ATP5PF: variants seen among roughly 807,000 people sequenced by gnomAD.
ATP5PF encodes the protein ATP synthase peripheral stalk subunit F6.
ATP5PF carries 7 observed loss-of-function variants against 12.0 expected under a neutral mutation model. The observed-to-expected ratio is 0.58, with a 90% CI of 0.33 to 1.10. ATP5PF has a LOEUF of 1.10. Among genes scored for constraint, ATP5PF ranks in the 50% least tolerant of loss-of-function variants. The pLI is 0.03. For missense variants in ATP5PF, 120 were observed against 127.7 expected (o/e 0.94, Z 0.29); for synonymous variants, 41 against 45.4 (o/e 0.90, Z 0.39).
chr21:25,731,587 C>G (rs538509878), intron 1 of ATP5PF, among the ~76,000 whole-genome samples: 96 of 148,840 alleles, frequency 6.4e-4, no homozygotes, highest in Non-Finnish European at 1.1e-3. Context: ...GAGACGAGGT[C>G]TTGCCATATT....
At chr21:25,734,812 G>A (rs2034957000) in intron 1 of ATP5PF, 41 bp downstream of exon 1, 6 of 1,516,762 alleles carry the variant, frequency 4.0e-6, no homozygotes, top group Non-Finnish European at 5.3e-6. Context: ...CAGAACTGGA[G>A]TCCCAAAAGG....
intron 1 of ATP5PF, 54 bp downstream of exon 1, chr21:25,734,799 A>G (rs1413580327): frequency 6.7e-7 from 1 of 1,500,488 alleles, no homozygotes. Context: ...TCGTGAAAAA[A>G]CCCAGAACTG....
intron 1 of ATP5PF, among the ~76,000 whole-genome samples, chr21:25,730,324 C>CAAA (rs2034727799): frequency 6.6e-6 from 1 of 152,136 alleles, no homozygotes; most frequent in Non-Finnish European, 1.5e-5. Context: ...GAAGAACCAG[C>CAAA]AAAGAAAAAC....
intron 2 of ATP5PF, among the ~76,000 whole-genome samples, chr21:25,726,091 A>C (rs2034611597): frequency 6.6e-6 from 1 of 152,248 alleles, no homozygotes; most frequent in Admixed American, 6.5e-5. Context: ...AGGTTCTACC[A>C]AACGAGGGTG....
At chr21:25,733,578 A>T (rs528152574) in intron 1 of ATP5PF, among the ~76,000 whole-genome samples, 16 of 150,864 alleles carry the variant, frequency 1.1e-4, no homozygotes, top group Non-Finnish European at 2.1e-4. Flanking sequence ...CTTAACACAT[A>T]TATGCAAAAA....
intron 1 of ATP5PF, among the ~76,000 whole-genome samples, chr21:25,732,661 GAA>G (rs2034817113): frequency 6.9e-6 from 1 of 145,836 alleles, no homozygotes. Flanking sequence ...AAAAAAAAAA[GAA>G]AGAAAGAAAT....
Position 25,724,667 on chromosome 21 carries a change from A to G in ATP5PF, c.300T>C (p.Phe100=), listed in dbSNP as rs1384069257. 6.3e-7 allele frequency: 1 copy of G among 1,597,022 alleles called. No homozygotes were observed. The highest frequency in any genetic ancestry group is 8.5e-7 in the Non-Finnish European group (1 of 1,175,864). The change falls in exon 4 of 4, where the codon TTT becomes TTC. Residue 100 remains phenylalanine (F), a synonymous_variant. Coordinates refer to ENST00000284971, the MANE Select transcript of ATP5PF (RefSeq NM_001003703.2). Reference sequence around the variant, plus strand: ...AGGCCTGGGGTTTTTCGATGACTTCAAATTTGGGATCTAAGAAGAGGGGGA... The same window carrying G: ...AGGCCTGGGGTTTTTCGATGACTTCGAATTTGGGATCTAAGAAGAGGGGGA... ...FPTFKFEDPK[F]EVIEKPQA
intron 2 of ATP5PF, among the ~76,000 whole-genome samples, chr21:25,726,899 C>T (rs1354669079): frequency 1.3e-5 from 2 of 152,108 alleles, no homozygotes; most frequent in African/African-American, 4.8e-5. Flanking sequence ...AGAACATGCA[C>T]AAAAAATACA....
chr21:25,725,412 C>A, intron 2 of ATP5PF, 62 bp from the exon 3 acceptor site: 23 of 1,417,120 alleles, frequency 1.6e-5, no homozygotes, highest in African/African-American at 2.9e-5. Flanking sequence ...AACAAAATTA[C>A]TTTTCACCAC....
At chr21:25,729,603 T>A in intron 2 of ATP5PF, 28 bp downstream of exon 2, 9 of 1,558,548 alleles carry the variant, frequency 5.8e-6, no homozygotes, top group Non-Finnish European at 7.8e-6. Context: ...AATATTTATA[T>A]TTACACTGTA....
At chr21:25,725,724 C>A (rs143943320) in intron 2 of ATP5PF, among the ~76,000 whole-genome samples, 1 of 152,234 alleles carries the variant, frequency 6.6e-6, no homozygotes, top group East Asian at 1.9e-4. Context: ...CAGGCGTGAG[C>A]CACCACACCC....
intron 1 of ATP5PF, among the ~76,000 whole-genome samples, chr21:25,730,426 T>C (rs2034731159): frequency 6.6e-6 from 1 of 152,108 alleles, no homozygotes; most frequent in Admixed American, 6.5e-5. Context: ...GAGATGGAAG[T>C]CTGAATTTTA....
chr21:25,735,085 G>T (rs2034982714), upstream of ATP5PF: 1 of 927,886 alleles, frequency 1.1e-6, no homozygotes, highest in Non-Finnish European at 1.7e-6. Flanking sequence ...GTGCTTCCGG[G>T]TCCCCTGGCA....
chr21:25,735,334 T>G (rs904254438), upstream of ATP5PF: 3 of 243,564 alleles, frequency 1.2e-5, no homozygotes, highest in African/African-American at 6.7e-5. Context: ...CTCCGTTGCC[T>G]TGGGCGGTCG....
intron 1 of ATP5PF, among the ~76,000 whole-genome samples, chr21:25,732,352 G>T (rs1325371149): frequency 6.6e-6 from 1 of 151,758 alleles, no homozygotes; most frequent in African/African-American, 2.4e-5. Flanking sequence ...ATTATCAAAA[G>T]AAATCTACAA....
Position 25,725,240 on chromosome 21 carries a change from G to T in ATP5PF, c.275C>A (p.Thr92Asn). Residue 92 changes from threonine to asparagine, a missense_variant, in exon 3 of 4, where the codon ACC (threonine) becomes AAC (asparagine). By Grantham distance (65) the Thr-to-Asn change is moderately conservative. Transcript: ENST00000284971. ...FGNADMNTFP[T>N]FKFEDPKFEV... The stretch of plus-strand genomic sequence containing the variant: ...ATAAGACGTACCTTCAAATTTGAAG[G>T]TGGGAAATGTATTCATGTCTGCATT... 1 of 1,608,566 alleles carries T rather than the reference G, an allele frequency of 6.2e-7. No homozygotes were observed.
At chr21:25,725,205 T>C (rs1449733876) in intron 3 of ATP5PF, 21 bp downstream of exon 3, 3 of 1,593,082 alleles carry the variant, frequency 1.9e-6, no homozygotes, top group Non-Finnish European at 2.6e-6. Flanking sequence ...CAAGAATGAA[T>C]CTGTGATTTA....
chr21:25,733,583 C>CAA (rs71649634), intron 1 of ATP5PF, among the ~76,000 whole-genome samples: 18 of 146,878 alleles, frequency 1.2e-4, no homozygotes, highest in African/African-American at 4.5e-4. Flanking sequence ...CACATATATG[C>CAA]AAAAAAAAAA....
At chr21:25,728,395 T>C (rs890848605) in intron 2 of ATP5PF, among the ~76,000 whole-genome samples, 3 of 152,176 alleles carry the variant, frequency 2.0e-5, no homozygotes, top group African/African-American at 7.2e-5. Context: ...TCCAGGGAAA[T>C]AGAATTATAC....
Sources: allele counts gnomAD v4.1 joint callset (sites outside exome capture counted in the v4.1 genomes callset), GRCh38; gene constraint gnomAD v4.1.1; transcripts MANE v1.5; gene names NCBI Gene and HGNC (gene_info 2026-07-23, HGNC 2026-07-21).